The following SLC6A2 variants were observed in gnomAD, a reference collection of about 807,000 sequenced individuals.
The protein encoded by SLC6A2 is sodium-dependent noradrenaline transporter.
Under a neutral mutation model 71.7 loss-of-function variants are expected in SLC6A2, and 26 were observed. The ratio of observed to expected loss-of-function variants is 0.36; its 90% CI spans 0.27 to 0.50. The LOEUF (loss-of-function observed/expected upper bound fraction) is 0.50, where lower values mean the gene tolerates loss of function less well. Ranked by LOEUF, SLC6A2 falls within the 20% of genes least tolerant of loss-of-function variation. SLC6A2 has a pLI of 0.96. For missense variants in SLC6A2, 581 were observed against 803.9 expected (o/e 0.72, Z 3.35); for synonymous variants, 363 against 337.9 (o/e 1.07, Z -0.82).
Position 55,705,421 on chromosome 16 carries a change from T to C in SLC6A2, c.*3075T>C. On this transcript the variant is annotated 3_prime_UTR_variant, in exon 15 of 15. Coordinates refer to ENST00000568943, the MANE Select transcript of SLC6A2 (RefSeq NM_001172501.3). ...AATCATTTCCTAGTAAAGAAGCCCA[T>C]TGAACTCACTTTATTTGTTTATTTC... The C allele has an allele frequency of 3.3e-6, 2 of 601,014 alleles. No individual in the cohort carries two copies. Among genetic ancestry groups the C allele is most frequent in the Non-Finnish European group, 5.8e-6 (2 of 344,058 alleles). 37.2% of individuals were successfully genotyped at this position (601,014 alleles called of 1,614,324 possible). A position where few individuals can be genotyped will look rare whatever the true frequency, so the allele number is the denominator to read the frequency against.
At chr16:55,662,058 G>A (rs1964624832) in intron 2 of SLC6A2, among the ~76,000 whole-genome samples, 1 of 152,190 alleles carries the variant, frequency 6.6e-6, no homozygotes, top group Non-Finnish European at 1.5e-5. Flanking sequence ...AGCTGGTGTG[G>A]CACTCAGCTG....
intron 5 of SLC6A2, among the ~76,000 whole-genome samples, chr16:55,690,654 C>T (rs1965589614): frequency 1.3e-5 from 2 of 152,146 alleles, no homozygotes; most frequent in Admixed American, 6.6e-5. Flanking sequence ...CCCATGGCTG[C>T]CTCTGCCTAA....
At chr16:55,701,976 G>A (rs1313775840) in intron 14 of SLC6A2, 42 bp downstream of exon 14, 9 of 1,485,572 alleles carry the variant, frequency 6.1e-6, no homozygotes, top group Middle Eastern at 1.7e-4. Context: ...TTACAAGGGC[G>A]GGCCCTGGCT....
intron 4 of SLC6A2, among the ~76,000 whole-genome samples, chr16:55,680,391 G>A (rs1376437367): frequency 1.3e-5 from 2 of 152,178 alleles, no homozygotes; most frequent in Non-Finnish European, 2.9e-5. Flanking sequence ...TCCCACAATA[G>A]GCTGTCTGCA....
In SLC6A2 at chr16:55,704,405, A is replaced by G. The variant is rs1466694430; in HGVS notation, c.*2059A>G. 6.6e-6 allele frequency: 1 copy of G among 152,216 alleles called. No individual in the cohort carries two copies. The highest frequency in any genetic ancestry group is 1.5e-5 in the Non-Finnish European group (1 of 68,046). The allele number at this position is 152,216 out of a possible 1,614,324, so 9.4% of individuals were successfully genotyped here. ...CCAGATTATTTTGAATATTCCCTGCACAATAGGGTTCACCCCACCCAGGAC... is the reference window on the plus strand; with the variant it reads ...CCAGATTATTTTGAATATTCCCTGCGCAATAGGGTTCACCCCACCCAGGAC... On this transcript the variant is annotated 3_prime_UTR_variant, in exon 15 of 15. Coordinates refer to ENST00000568943, the MANE Select transcript of SLC6A2 (RefSeq NM_001172501.3).
intron 6 of SLC6A2, among the ~76,000 whole-genome samples, chr16:55,692,740 G>T (rs931256218): frequency 1.1e-4 from 17 of 152,172 alleles, no homozygotes; most frequent in African/African-American, 4.1e-4. Flanking sequence ...ATTCTCCAGG[G>T]TTTCTTTATT....
rs138073487 is a variant in SLC6A2, at chr16:55,676,168, A to T, written c.644+3993A>T. 5.3e-3 allele frequency among the ~76,000 whole-genome samples: 804 copies of T among 152,298 alleles called. 8 individuals carry two copies. Among genetic ancestry groups the T allele is most frequent in the Non-Finnish European group, 9.3e-3 (633 of 68,028 alleles). ...AGAATTTTTCTTGGAGAGGGTCTGC[A>T]GTTGTCGTCAAATTCTCAAATACCT... On this transcript the variant is annotated intron_variant, in intron 4 of 14. Transcript: ENST00000568943.
At chr16:55,694,241 T>A (rs780126039) in intron 7 of SLC6A2, 128 bp downstream of exon 7, 38 of 727,652 alleles carry the variant, frequency 5.2e-5, no homozygotes, top group African/African-American at 8.8e-5. Flanking sequence ...TTGTGAACCA[T>A]CCTGGGCATT....
chr16:55,671,825 C>G (rs1274357809), intron 3 of SLC6A2, 113 bp from the exon 4 acceptor site: 1 of 1,548,572 alleles, frequency 6.5e-7, no homozygotes, highest in Admixed American at 1.9e-5. Context: ...CGCTGTTCTG[C>G]AGGAAACGAG....
intron 4 of SLC6A2, among the ~76,000 whole-genome samples, chr16:55,684,842 A>T (rs1965395691): frequency 6.6e-6 from 1 of 152,052 alleles, no homozygotes; most frequent in Admixed American, 6.6e-5. Context: ...CCTATTTATT[A>T]CTCCAAGGCC....
rs984141594 is a variant in SLC6A2, at chr16:55,681,888, A to G, written c.645-3255A>G. On this transcript the variant is annotated intron_variant, in intron 4 of 14. Coordinates refer to ENST00000568943, the MANE Select transcript of SLC6A2 (RefSeq NM_001172501.3). ...ATATATTAAGCTGTTTGCCTTTAAC[A>G]CTTTAGTGTAAATTTGTTTTGTTTT... is the stretch of plus-strand genomic sequence containing the variant. Among the ~76,000 whole-genome samples, 26 of 152,112 alleles carry G rather than the reference A, an allele frequency of 1.7e-4. No individual in the cohort carries two copies. In the East Asian group the frequency reaches 4.6e-3, roughly 27 times the overall value.
intron 4 of SLC6A2, among the ~76,000 whole-genome samples, chr16:55,681,425 A>T (rs1323219376): frequency 6.6e-6 from 1 of 152,228 alleles, no homozygotes; most frequent in East Asian, 1.9e-4. Context: ...GGAATCGATG[A>T]AAGGATTCGG....
intron 2 of SLC6A2, among the ~76,000 whole-genome samples, chr16:55,664,011 C>T (rs1193933555): frequency 3.9e-5 from 6 of 152,258 alleles, no homozygotes; most frequent in Admixed American, 1.3e-4. Context: ...ATTAGTATTA[C>T]ATCATACTCC....
intron 5 of SLC6A2, among the ~76,000 whole-genome samples, chr16:55,690,478 T>G (rs1303017909): frequency 6.6e-6 from 1 of 152,214 alleles, no homozygotes; most frequent in Non-Finnish European, 1.5e-5. Context: ...CTTAGGGATA[T>G]GGGAAGATTC....
chr16:55,665,125 C>T (rs781524478), intron 2 of SLC6A2, among the ~76,000 whole-genome samples: 7 of 152,176 alleles, frequency 4.6e-5, no homozygotes, highest in African/African-American at 7.2e-5. Context: ...GCAGGGCAAA[C>T]GGGTCTTCCC....
At chr16:55,702,257 G>T (rs766471112) in intron 14 of SLC6A2, 66 bp from the exon 15 acceptor site, 2 of 1,520,748 alleles carry the variant, frequency 1.3e-6, no homozygotes, top group Non-Finnish European at 1.8e-6. Flanking sequence ...TGCTGCCCCC[G>T]CCAGCTGGCC....
intron 12 of SLC6A2, 130 bp from the exon 13 acceptor site, chr16:55,700,009 T>C (rs1965919974): frequency 2.6e-6 from 2 of 775,290 alleles, no homozygotes; most frequent in African/African-American, 3.4e-5. Flanking sequence ...CCTTCCTTAT[T>C]TCCTCCCTTT....
chr16:55,696,211 G>C lies in SLC6A2; in HGVS notation c.1148-14G>C, dbSNP rs772465017. The C allele has an allele frequency of 2.0e-6, 3 of 1,504,882 alleles. No individual in the cohort carries two copies. Among genetic ancestry groups the C allele is most frequent in the Non-Finnish European group, 1.9e-6 (2 of 1,080,530 alleles). The allele number at this position is 1,504,882 out of a possible 1,614,324, so 93.2% of individuals were successfully genotyped here. ...GGTTTCAGCCATTGATGAGGTCCTT[G>C]ATGTTTCTTACAGGAGCTGGCCTAG... On this transcript the variant is annotated splice_polypyrimidine_tract_variant and intron_variant, in intron 8 of 14. Transcript: ENST00000568943.
rs962875000 is a variant in SLC6A2, at chr16:55,703,129, G to A, written c.*783G>A. 5 of 985,504 alleles carry A rather than the reference G, an allele frequency of 5.1e-6. No individual in the cohort carries two copies. Among genetic ancestry groups the A allele is most frequent in the East Asian group, 1.1e-4 (1 of 8,822 alleles). 61.0% of individuals were successfully genotyped at this position (985,504 alleles called of 1,614,324 possible). The stretch of plus-strand genomic sequence containing the variant: ...CATCAGACAAGCTGGTGGAGGCCAC[G>A]TGGCAAGCCACATCTACTGAGGCCT... On this transcript the variant is annotated 3_prime_UTR_variant, in exon 15 of 15. Transcript: ENST00000568943.
Sources: gnomAD v4.1 joint callset for allele counts (sites outside exome capture counted in the v4.1 genomes callset) on GRCh38, gnomAD v4.1.1 for gene constraint, MANE v1.5 for transcripts, NCBI Gene and HGNC (gene_info 2026-07-23, HGNC 2026-07-21) for gene names.